Variants in TOX observed in about 807,000 individuals in gnomAD.
TOX encodes the protein thymocyte selection-associated high mobility group box protein TOX.
Under a neutral mutation model 53.7 loss-of-function variants are expected in TOX, and 11 were observed. The observed-to-expected ratio is 0.20, with a 90% CI of 0.13 to 0.34. The LOEUF (loss-of-function observed/expected upper bound fraction) is 0.34, where lower values mean the gene tolerates loss of function less well. Ranked by LOEUF, TOX falls within the 10% of genes least tolerant of loss-of-function variation. TOX has a pLI of 1.00. For synonymous variants in TOX, 225 were observed against 245.3 expected, an observed-to-expected ratio of 0.92 and a Z score of 0.77; for missense variants, 570 against 664.6, an observed-to-expected ratio of 0.86 and a Z score of 1.56.
intron 2 of TOX, among the ~76,000 whole-genome samples, chr8:58,945,797 T>C (rs962065764): frequency 2.6e-5 from 4 of 152,292 alleles, no homozygotes; most frequent in African/African-American, 9.6e-5. Flanking sequence ...CAGGAATAAA[T>C]AATGGGAAAT....
chr8:58,837,163 A>C (rs1810560415), intron 5 of TOX, among the ~76,000 whole-genome samples: 1 of 152,212 alleles, frequency 6.6e-6, no homozygotes, highest in Non-Finnish European at 1.5e-5. Flanking sequence ...CCTGGACATA[A>C]TGAGGAAAGA....
intron 1 of TOX, among the ~76,000 whole-genome samples, chr8:59,115,409 CTGT>C (rs1402113584): frequency 6.6e-6 from 1 of 152,126 alleles, no homozygotes; most frequent in Non-Finnish European, 1.5e-5. Context: ...CTGAAAAGAA[CTGT>C]TATTACTCTG....
intron 7 of TOX, among the ~76,000 whole-genome samples, chr8:58,810,078 T>C (rs554280332): frequency 2.0e-5 from 3 of 152,118 alleles, no homozygotes; most frequent in Non-Finnish European, 4.4e-5. Flanking sequence ...CTCAAACTCC[T>C]AGACTAATGC....
At chr8:58,930,692 C>G (rs1225827942) in intron 3 of TOX, among the ~76,000 whole-genome samples, 1 of 152,192 alleles carries the variant, frequency 6.6e-6, no homozygotes, top group Non-Finnish European at 1.5e-5. Flanking sequence ...CCTACACATG[C>G]CTGGACAGAT....
intron 1 of TOX, among the ~76,000 whole-genome samples, chr8:59,036,701 A>C (rs955787198): frequency 2.0e-5 from 3 of 152,240 alleles, no homozygotes; most frequent in Non-Finnish European, 4.4e-5. Flanking sequence ...CAGTGTTTAT[A>C]GATGAAATTG....
chr8:59,107,172 GGTAA>G (rs1309549065), intron 1 of TOX, among the ~76,000 whole-genome samples: 3 of 151,772 alleles, frequency 2.0e-5, no homozygotes, highest in East Asian at 1.9e-4. Flanking sequence ...TAAACCAGTG[GGTAA>G]GTGACTTTTT....
At chr8:59,103,045 C>T (rs1363903476) in intron 1 of TOX, among the ~76,000 whole-genome samples, 1 of 152,146 alleles carries the variant, frequency 6.6e-6, no homozygotes, top group Non-Finnish European at 1.5e-5. Context: ...TCAGTTTCTG[C>T]AAATAACAGA....
chr8:58,949,908 G>A (rs1441829005), intron 2 of TOX, among the ~76,000 whole-genome samples: 3 of 114,006 alleles, frequency 2.6e-5, no homozygotes, highest in Admixed American at 9.3e-5. Flanking sequence ...TCATATACAC[G>A]TGTAATATAC....
At chr8:59,094,335 A>G (rs892262188) in intron 1 of TOX, among the ~76,000 whole-genome samples, 8 of 152,068 alleles carry the variant, frequency 5.3e-5, no homozygotes, top group African/African-American at 1.9e-4. Context: ...CATAACTACA[A>G]TATTAAATTA....
chr8:58,999,361 T>C (rs1813646933), intron 1 of TOX, among the ~76,000 whole-genome samples: 2 of 150,856 alleles, frequency 1.3e-5, no homozygotes, highest in African/African-American at 2.4e-5. Flanking sequence ...CACTATGACC[T>C]GAAAAAGGAC....
chr8:58,986,065 A>G (rs755629819), intron 1 of TOX, among the ~76,000 whole-genome samples: 1 of 152,236 alleles, frequency 6.6e-6, no homozygotes, highest in Non-Finnish European at 1.5e-5. Flanking sequence ...GGCATGTTCT[A>G]GTCTGAGTGC....
At chr8:58,882,148 A>T (rs947307781) in intron 3 of TOX, among the ~76,000 whole-genome samples, 1 of 152,206 alleles carries the variant, frequency 6.6e-6, no homozygotes, top group African/African-American at 2.4e-5. Context: ...ACTGTTAGGG[A>T]AAATAAACAC....
chr8:58,864,826 T>C (rs1811069592), intron 3 of TOX, among the ~76,000 whole-genome samples: 1 of 152,082 alleles, frequency 6.6e-6, no homozygotes, highest in African/African-American at 2.4e-5. Flanking sequence ...GCTTAATAAC[T>C]CTCTGAGACA....
rs186053257 is a variant in TOX at position 58,909,396 on chromosome 8, C to T, written c.411+29906G>A. On this transcript the variant is annotated intron_variant, in intron 3 of 8. Coordinates refer to ENST00000361421, the MANE Select transcript of TOX (RefSeq NM_014729.3). Reference sequence around the variant, plus strand: ...AAAAACAAATAAATAAATAAAAATACAGAATCTCAGCCCCCATCCTGTACA... The same window carrying T: ...AAAAACAAATAAATAAATAAAAATATAGAATCTCAGCCCCCATCCTGTACA... 2.2e-3 allele frequency among the ~76,000 whole-genome samples: 329 copies of T among 152,236 alleles called. 1 individual carries two copies. Among genetic ancestry groups the T allele is most frequent in the South Asian group, 7.3e-3 (35 of 4,824 alleles).
At chr8:59,082,050 GA>G (rs1804418243) in intron 1 of TOX, among the ~76,000 whole-genome samples, 1 of 152,132 alleles carries the variant, frequency 6.6e-6, no homozygotes, top group Non-Finnish European at 1.5e-5. Flanking sequence ...ACAGCTTTTT[GA>G]AACAGAGATA....
chr8:58,840,080 T>C (rs892019837), intron 4 of TOX, among the ~76,000 whole-genome samples: 1 of 152,210 alleles, frequency 6.6e-6, no homozygotes, highest in Non-Finnish European at 1.5e-5. Context: ...AATAATTCAC[T>C]GAATGGGTGG....
intron 1 of TOX, among the ~76,000 whole-genome samples, chr8:58,970,304 T>C (rs910803224): frequency 1.3e-5 from 2 of 152,212 alleles, no homozygotes; most frequent in Non-Finnish European, 2.9e-5. Context: ...CTTAGTGATT[T>C]TCATATGACC....
At chr8:58,830,080 G>C (rs826732) in intron 5 of TOX, among the ~76,000 whole-genome samples, 60,107 of 151,986 alleles carry the variant, frequency 0.4, 14,176 homozygotes, top group East Asian at 0.58. Context: ...TATTTTAAAG[G>C]TATGTGATTC....
intron 1 of TOX, among the ~76,000 whole-genome samples, chr8:59,078,902 T>C (rs1037576047): frequency 6.6e-6 from 1 of 152,202 alleles, no homozygotes; most frequent in African/African-American, 2.4e-5. Flanking sequence ...AGGTCTCAGA[T>C]GGAAATGAGG....
Sources: allele counts gnomAD v4.1 joint callset (sites outside exome capture counted in the v4.1 genomes callset), GRCh38; gene constraint gnomAD v4.1.1; transcripts MANE v1.5; gene names NCBI Gene and HGNC (gene_info 2026-07-23, HGNC 2026-07-21).